The following SCNN1D variants were observed in gnomAD, a reference collection of about 807,000 sequenced individuals.
The protein encoded by SCNN1D is epithelial sodium channel subunit delta.
Under a neutral mutation model 87.8 loss-of-function variants are expected in SCNN1D, and 104 were observed. The observed-to-expected ratio is 1.18, with a 90% CI of 1.01 to 1.39. SCNN1D has a LOEUF of 1.39. SCNN1D is among the 40% of genes most tolerant of loss of function. The pLI is 0.00. For synonymous variants in SCNN1D, 628 were observed against 481.2 expected, an observed-to-expected ratio of 1.31 and a Z score of -3.99; for missense variants, 1,324 against 1,093.9, an observed-to-expected ratio of 1.21 and a Z score of -2.97.
chr1:1,288,167 G>A (rs1570608060), intron 12 of SCNN1D, 130 bp downstream of exon 12: 1 of 677,730 alleles, frequency 1.5e-6, no homozygotes. Flanking sequence ...CCCCGTGGAG[G>A]CCCGCACTCC....
intron 11 of SCNN1D, 27 bp from the exon 12 acceptor site, chr1:1,287,912 C>A: frequency 6.5e-7 from 1 of 1,528,988 alleles, no homozygotes; most frequent in Non-Finnish European, 8.8e-7. Context: ...AGGGCAGGGC[C>A]CATGGAACTG....
In SCNN1D at chr1:1,287,539, G is replaced by C. The variant is rs765867629; in HGVS notation, c.1342G>C (p.Gly448Arg). ...CCGGACCTTCCACCACCCCACCTAC[G>C]GCAGCTGCTACACGGTCGATGGCGT... ...QFRTFHHPTY[G>R]SCYTVDGVWT... Residue 448 changes from glycine (G) to arginine (R), a missense_variant, in exon 10 of 18, where the codon GGC becomes CGC. Physicochemically the swap from Gly to Arg is moderately radical, Grantham distance 125 (BLOSUM62 -2). Coordinates refer to ENST00000379116, the MANE Select transcript of SCNN1D (RefSeq NM_001130413.4). 6.5e-7 allele frequency: 1 copy of C among 1,533,398 alleles called. No individual in the cohort carries two copies. Among genetic ancestry groups the C allele is most frequent in the East Asian group, 2.3e-5 (1 of 43,988 alleles). The allele number at this position is 1,533,398 out of a possible 1,614,324, so 95.0% of individuals were successfully genotyped here. A position where few individuals can be genotyped will look rare whatever the true frequency, so the allele number is the denominator to read the frequency against.
chr1:1,286,312 C>T (rs570039150), intron 7 of SCNN1D, 34 bp downstream of exon 7: 18 of 1,474,786 alleles, frequency 1.2e-5, no homozygotes, highest in East Asian at 9.7e-5. Context: ...GAGGGGTGGC[C>T]GCCCCAGCTC....
intron 1 of SCNN1D, chr1:1,280,868 C>T: frequency 3.4e-6 from 2 of 591,302 alleles, no homozygotes; most frequent in East Asian, 2.8e-5. Context: ...GCTCCACACT[C>T]CCACCCTCAG....
intron 4 of SCNN1D, 121 bp downstream of exon 4, chr1:1,282,436 C>A: frequency 8.5e-7 from 1 of 1,178,678 alleles, no homozygotes. Context: ...AACACAGAGC[C>A]TACCCTTCCA....
Position 1,290,215 on chromosome 1 carries a change from C to T in SCNN1D, c.1663-56C>T, listed in dbSNP as rs999438206. ...CCCTGCTCCGTCCCGTGTCTCTGCCCCGTCCCCCATGTCTCCGCTCCATCC... is the reference window on the plus strand; with the variant it reads ...CCCTGCTCCGTCCCGTGTCTCTGCCTCGTCCCCCATGTCTCCGCTCCATCC... On this transcript the variant is annotated intron_variant, in intron 12 of 17. Coordinates refer to ENST00000379116, the MANE Select transcript of SCNN1D (RefSeq NM_001130413.4). 24 of 1,318,062 alleles carry T rather than the reference C, an allele frequency of 1.8e-5. 1 individual carries two copies. Among genetic ancestry groups the T allele is most frequent in the Non-Finnish European group, 2.5e-5 (24 of 949,830 alleles). 81.6% of individuals were successfully genotyped at this position (1,318,062 alleles called of 1,614,324 possible).
Position 1,286,898 on chromosome 1 carries a change from C to T in SCNN1D, c.1042C>T (p.Pro348Ser), listed in dbSNP as rs747166183. The change falls in exon 8 of 18, where the codon CCC (proline) becomes TCC (serine). Residue 348 changes from proline (P) to serine (S), a missense_variant. By Grantham distance (74) the Pro-to-Ser change is moderately conservative (BLOSUM62 -1). Transcript: ENST00000379116. ...LSATVPRHEPPFHLDREIRLQ... is the reference protein window; with the variant it reads ...LSATVPRHEPSFHLDREIRLQ... ...CGCCACTGTCCCCCGCCACGAGCCC[C>T]CCTTCCACCTGGACCGGGAGATCCG... is the stretch of plus-strand genomic sequence containing the variant. 3.7e-6 allele frequency: 6 copies of T among 1,612,538 alleles called. No homozygotes were observed. In the African/African-American group the frequency reaches 4.0e-5, roughly 11 times the overall value.
At position 1,290,640 on chromosome 1, in the gene SCNN1D, G is replaced by C; in HGVS notation, c.1863G>C (p.Glu621Asp). ...GACACCCGGCTGTCTCTTCCAGGGA[G>C]TCTGCATTCAAGCTCTCCACTGGGA... ...CTSRCPRPCRESAFKLSTGTS... is the reference protein window; with the variant it reads ...CTSRCPRPCRDSAFKLSTGTS... Residue 621 changes from glutamate (E) to aspartate (D), a missense_variant, in exon 15 of 18, where the codon GAG becomes GAC. Transcript: ENST00000379116. 1 of 1,612,676 alleles carries C rather than the reference G, an allele frequency of 6.2e-7. No homozygotes were observed.
In SCNN1D at chr1:1,286,190, T is replaced by C. The variant is rs773965759; in HGVS notation, c.823T>C (p.Trp275Arg). The C allele has an allele frequency of 8.1e-6, 13 of 1,602,886 alleles. No homozygotes were observed. The highest frequency in any genetic ancestry group is 5.3e-5 in the African/African-American group (4 of 74,878). Reference protein sequence around the residue: ...WQLGLLFERHWHRPVLMAVSV... With the variant: ...WQLGLLFERHRHRPVLMAVSV... ...GCTGGGGCTCCTCTTTGAGCGTCAC[T>C]GGCACCGCCCGGTCCTCATGGCCGT... is the stretch of plus-strand genomic sequence containing the variant. Residue 275 changes from tryptophan to arginine, a missense_variant, in exon 7 of 18, where the codon TGG becomes CGG. Physicochemically the swap from Trp to Arg is moderately radical, Grantham distance 101. Coordinates refer to ENST00000379116, the MANE Select transcript of SCNN1D (RefSeq NM_001130413.4).
intron 7 of SCNN1D, 149 bp from the exon 8 acceptor site, chr1:1,286,619 C>T (rs756794395): frequency 8.5e-5 from 65 of 762,392 alleles, no homozygotes; most frequent in Admixed American, 1.1e-4. Flanking sequence ...CCGGCAGCCA[C>T]GGCCTCCAAC....
Position 1,280,515 on chromosome 1 carries a change from AG to A in SCNN1D, c.-146del. Reference sequence around the variant, plus strand: ...TCAGTAGAAGGGAATGTCTGGTTACAGTATGGCGTTGTGCAGATGAAGGTCT... The same window carrying A: ...TCAGTAGAAGGGAATGTCTGGTTACATATGGCGTTGTGCAGATGAAGGTCT... On this transcript the variant is annotated 5_prime_UTR_variant, in exon 1 of 18. An upstream open reading frame in the 5' UTR loses its in-frame stop. Transcript: ENST00000379116. 1.8e-6 allele frequency: 1 copy of A among 566,242 alleles called. No individual in the cohort carries two copies. The highest frequency in any genetic ancestry group is 2.9e-5 in the East Asian group (1 of 34,100). The allele number at this position is 566,242 out of a possible 1,614,324, so 35.1% of individuals were successfully genotyped here.
Position 1,291,153 on chromosome 1 carries a change from C to T in SCNN1D, c.2052+13C>T, listed in dbSNP as rs957186674. 3 of 1,610,190 alleles carry T rather than the reference C, an allele frequency of 1.9e-6. No individual in the cohort carries two copies. The highest frequency in any genetic ancestry group is 2.5e-6 in the Non-Finnish European group (3 of 1,178,850). On this transcript the variant is annotated intron_variant, in intron 17 of 17. Transcript: ENST00000379116. ...GCCCGTGTACTCGGTGAGCCTTGGCCCCCTGCCTGGGCTAGAGCGGGGGCA... is the reference window on the plus strand; with the variant it reads ...GCCCGTGTACTCGGTGAGCCTTGGCTCCCTGCCTGGGCTAGAGCGGGGGCA...
Position 1,291,131 on chromosome 1 carries a change from C to T in SCNN1D, c.2043C>T (p.Pro681=), listed in dbSNP as rs762143476. The part of the protein sequence containing the change: ...ELNYRSVEEA[P]VYSVPQLLSA... The stretch of plus-strand genomic sequence containing the variant: ...ACTACCGCTCAGTGGAGGAGGCGCC[C>T]GTGTACTCGGTGAGCCTTGGCCCCC... The change falls in exon 17 of 18, where the codon CCC becomes CCT. Residue 681 remains proline, a synonymous_variant. Coordinates refer to ENST00000379116, the MANE Select transcript of SCNN1D (RefSeq NM_001130413.4). 7.7e-5 allele frequency: 124 copies of T among 1,611,718 alleles called. No individual in the cohort carries two copies. The highest frequency in any genetic ancestry group is 2.5e-4 in the East Asian group (11 of 44,868).
At position 1,290,622 on chromosome 1, in the gene SCNN1D, G is replaced by T; in HGVS notation, c.1860-15G>T. ...CCAGGTAGCGTGGCAGGTGACACCC[G>T]GCTGTCTCTTCCAGGGAGTCTGCAT... On this transcript the variant is annotated splice_polypyrimidine_tract_variant and intron_variant, in intron 14 of 17. Coordinates refer to ENST00000379116, the MANE Select transcript of SCNN1D (RefSeq NM_001130413.4). 1 of 1,612,620 alleles carries T rather than the reference G, an allele frequency of 6.2e-7. No homozygotes were observed. Among genetic ancestry groups the T allele is most frequent in the Non-Finnish European group, 8.5e-7 (1 of 1,179,922 alleles).
intron 5 of SCNN1D, among the ~76,000 whole-genome samples, chr1:1,284,584 CG>C (rs1640547576): frequency 8.0e-6 from 1 of 125,248 alleles, no homozygotes; most frequent in East Asian, 2.2e-4. Context: ...CGGGGGGTGC[CG>C]AGCGTGTGCT....
chr1:1,285,112 G>A (rs901739115), intron 5 of SCNN1D, among the ~76,000 whole-genome samples: 3 of 152,194 alleles, frequency 2.0e-5, no homozygotes, highest in Non-Finnish European at 4.4e-5. Context: ...CAGGCTGCCT[G>A]GAGGCCTGTG....
In SCNN1D at chr1:1,283,987, G is replaced by A. The variant is rs780688468; in HGVS notation, c.361G>A (p.Gly121Ser). ...ASFQSRQEAR[G>S]SILLQSCQLP... ...AGCCTGTTTTAAATAGGAGGCCAGA[G>A]GCTCCATCCTGCTTCAGAGCTGCCA... The change falls in exon 5 of 18, where the codon GGC becomes AGC. Residue 121 changes from glycine (G) to serine (S), a missense_variant. By Grantham distance (56) the Gly-to-Ser change is moderately conservative (BLOSUM62 0). Coordinates refer to ENST00000379116, the MANE Select transcript of SCNN1D (RefSeq NM_001130413.4). The A allele has an allele frequency of 1.4e-5, 21 of 1,456,248 alleles. No individual in the cohort carries two copies. In the South Asian group the frequency reaches 3.0e-4, roughly 21 times the overall value. The allele number at this position is 1,456,248 out of a possible 1,614,324, so 90.2% of individuals were successfully genotyped here.
chr1:1,285,124 G>A (rs2064600), intron 5 of SCNN1D, among the ~76,000 whole-genome samples: 18,233 of 152,232 alleles, frequency 0.12, 2,579 homozygotes, highest in East Asian at 0.59. Flanking sequence ...AGGCCTGTGC[G>A]GCCCACACAC....
chr1:1,284,589 G>A (rs1018974429), intron 5 of SCNN1D, among the ~76,000 whole-genome samples: 9 of 151,508 alleles, frequency 5.9e-5, no homozygotes, highest in Non-Finnish European at 7.4e-5. Context: ...GGTGCCGAGC[G>A]TGTGCTGGAC....
Sources: allele counts gnomAD v4.1 joint callset (sites outside exome capture counted in the v4.1 genomes callset), GRCh38; gene constraint gnomAD v4.1.1; transcripts MANE v1.5; gene names NCBI Gene and HGNC (gene_info 2026-07-23, HGNC 2026-07-21).